SAXO2: variants seen among roughly 807,000 people sequenced by gnomAD.
The protein encoded by SAXO2 is family with sequence similarity 154, member B.
In SAXO2, 17 loss-of-function variants were observed where a neutral mutation model predicts 18.7. The ratio of observed to expected loss-of-function variants is 0.91; its 90% CI spans 0.62 to 1.36. SAXO2 has a LOEUF of 1.36. Among genes scored for constraint, SAXO2 ranks in the 40% most tolerant of loss-of-function variants. The probability of loss-of-function intolerance (pLI) is 0.00; values close to 1 mark genes in which losing one functional copy is unlikely to be tolerated. For synonymous variants in SAXO2, 163 were observed against 181.2 expected, an observed-to-expected ratio of 0.90 and a Z score of 0.81; for missense variants, 486 against 562.6, an observed-to-expected ratio of 0.86 and a Z score of 1.38.
Position 82,273,601 on chromosome 15 carries a change from CTA to C in SAXO2, c.433+1801_433+1802del, listed in dbSNP as rs752529463. ...CTACACAAAGAACAAATTGTGAAGA[CTA>C]TGTGAATGGTGAAGAAGTATATTAT... On this transcript the variant is annotated intron_variant, in intron 3 of 3. Transcript: ENST00000682753. Among the ~76,000 whole-genome samples the C allele has an allele frequency of 5.6e-4, 85 of 152,030 alleles. 1 individual carries two copies. In the Middle Eastern group the frequency reaches 0.017, roughly 30 times the overall value.
chr15:82,278,873 T>C (rs1025478355), intron 3 of SAXO2, among the ~76,000 whole-genome samples: 1 of 152,118 alleles, frequency 6.6e-6, no homozygotes. Flanking sequence ...AATGAAAATA[T>C]AGTACATCAA....
chr15:82,263,407 A>G (rs778234242), intron 1 of SAXO2: 9 of 716,130 alleles, frequency 1.3e-5, no homozygotes, highest in South Asian at 2.9e-5. Flanking sequence ...TCCAGGCAGC[A>G]GTTCTTTGGG....
chr15:82,280,827 C>G (rs1026428898), intron 3 of SAXO2, among the ~76,000 whole-genome samples: 70 of 152,194 alleles, frequency 4.6e-4, no homozygotes, highest in Admixed American at 1.3e-4. Context: ...ACAAGAATAA[C>G]AATGCTTGAT....
At chr15:82,271,580 T>C in intron 2 of SAXO2, 23 bp from the exon 3 acceptor site, 1 of 1,557,692 alleles carries the variant, frequency 6.4e-7, no homozygotes, top group East Asian at 2.3e-5. Context: ...TGTGAGGCTA[T>C]GTTTCAAATT....
intron 1 of SAXO2, chr15:82,264,794 G>A: frequency 1.4e-6 from 1 of 695,962 alleles, no homozygotes; most frequent in Non-Finnish European, 2.6e-6. Flanking sequence ...AAACCAGCTT[G>A]CAAATCAAGA....
Position 82,271,677 on chromosome 15 carries a change from A to T in SAXO2, c.308A>T (p.Lys103Met). Reference protein sequence around the residue: ...VPEEYKPKQGKIDLGTTYKRD... With the variant: ...VPEEYKPKQGMIDLGTTYKRD... Reference sequence around the variant, plus strand: ...GAAGAATATAAACCAAAACAAGGGAAGATTGATCTTGGTACTACCTACAAA... The same window carrying T: ...GAAGAATATAAACCAAAACAAGGGATGATTGATCTTGGTACTACCTACAAA... Residue 103 changes from lysine (K) to methionine (M), a missense_variant, in exon 3 of 4, where the codon AAG becomes ATG. By Grantham distance (95) the Lys-to-Met change is moderately conservative. Transcript: ENST00000682753. 2.5e-6 allele frequency: 4 copies of T among 1,614,046 alleles called. No individual in the cohort carries two copies. The highest frequency in any genetic ancestry group is 3.4e-6 in the Non-Finnish European group (4 of 1,179,882).
rs1365137603 is a variant in SAXO2, at chr15:82,284,091, A to G, written c.*1029A>G. 1.3e-5 allele frequency: 2 copies of G among 152,222 alleles called. 1 individual carries two copies. The highest frequency in any genetic ancestry group is 4.8e-5 in the African/African-American group (2 of 41,442). The allele number at this position is 152,222 out of a possible 1,614,324, so 9.4% of individuals were successfully genotyped here. ...CTGTTCTCAAAAAGAGTTTGTTTTG[A>G]GCATCAGACTGTATGGTACATTTTA... On this transcript the variant is annotated 3_prime_UTR_variant, in exon 4 of 4. Coordinates refer to ENST00000682753, the MANE Select transcript of SAXO2 (RefSeq NM_001348699.2).
At chr15:82,276,220 G>A (rs1310032003) in intron 3 of SAXO2, among the ~76,000 whole-genome samples, 1 of 151,974 alleles carries the variant, frequency 6.6e-6, no homozygotes, top group Non-Finnish European at 1.5e-5. Flanking sequence ...CATGGAGAAG[G>A]AAACCATAGA....
At chr15:82,275,281 CAAAAAAA>C (rs756023248) in intron 3 of SAXO2, among the ~76,000 whole-genome samples, 7 of 45,904 alleles carry the variant, frequency 1.5e-4, no homozygotes, top group Non-Finnish European at 2.4e-4. Context: ...ACCTATCAAC[CAAAAAAA>C]AAAAAAAAAA....
At chr15:82,281,533 C>T (rs1202205656) in intron 3 of SAXO2, among the ~76,000 whole-genome samples, 4 of 152,092 alleles carry the variant, frequency 2.6e-5, no homozygotes, top group Admixed American at 6.5e-5. Context: ...AGTGATCTTT[C>T]TGGGATAGCA....
intron 1 of SAXO2, chr15:82,263,288 A>G: frequency 7.6e-7 from 1 of 1,317,410 alleles, no homozygotes; most frequent in Non-Finnish European, 1.1e-6. Flanking sequence ...ATCCCCCACC[A>G]CGAAGATGAG....
At chr15:82,271,881 A>G in intron 3 of SAXO2, 79 bp downstream of exon 3, 1 of 1,265,646 alleles carries the variant, frequency 7.9e-7, no homozygotes, top group Non-Finnish European at 1.1e-6. Context: ...TCAAATTATA[A>G]CTTTGGTGTG....
rs1365684260 is a variant in SAXO2, at chr15:82,265,740, T to C, written c.225T>C (p.Thr75=). ...RACHGKMEGI[T]TFKSDYCPYE... is the part of the protein sequence containing the mutation. ...GCCATGGTAAAATGGAAGGAATAAC[T>C]ACATTTAAGTAAATATTTAGTAACT... Residue 75 remains threonine (T), a synonymous_variant, in exon 2 of 4, where the codon ACT becomes ACC. Transcript: ENST00000682753. 6 of 1,525,546 alleles carry C rather than the reference T, an allele frequency of 3.9e-6. No homozygotes were observed. The East Asian group carries it at 1.5e-4, about 38-fold the overall frequency. The allele number at this position is 1,525,546 out of a possible 1,614,324, so 94.5% of individuals were successfully genotyped here.
chr15:82,278,726 T>A (rs1470519616), intron 3 of SAXO2, among the ~76,000 whole-genome samples: 1 of 152,036 alleles, frequency 6.6e-6, no homozygotes, highest in Non-Finnish European at 1.5e-5. Context: ...CATAACAGAA[T>A]TAAATTAGAC....
At position 82,282,411 on chromosome 15, in the gene SAXO2, A is replaced by C. The variant is rs2075370873; in HGVS notation, c.726A>C (p.Thr242=). 1 of 1,614,106 alleles carries C rather than the reference A, an allele frequency of 6.2e-7. No individual in the cohort carries two copies. ...CTGACCAACGCTTTGAGGATCTCAC[A>C]ACTCACCGGTGTGACTTTCAGGGTC... ...KPTDQRFEDL[T]THRCDFQGLI... Residue 242 remains threonine, a synonymous_variant, in exon 4 of 4, where the codon ACA becomes ACC. Transcript: ENST00000682753.
intron 3 of SAXO2, among the ~76,000 whole-genome samples, chr15:82,275,987 T>C (rs1356574605): frequency 6.6e-6 from 1 of 152,190 alleles, no homozygotes; most frequent in Non-Finnish European, 1.5e-5. Context: ...ATGTAATTTA[T>C]ACATGGGAAA....
intron 2 of SAXO2, 88 bp downstream of exon 2, chr15:82,265,836 G>C: frequency 2.1e-6 from 2 of 975,598 alleles, no homozygotes; most frequent in Non-Finnish European, 2.8e-6. Context: ...AAATTGAACT[G>C]TTCAGTTGAT....
chr15:82,271,962 C>A, intron 3 of SAXO2, 160 bp downstream of exon 3: 1 of 595,120 alleles, frequency 1.7e-6, no homozygotes, highest in Non-Finnish European at 2.9e-6. Context: ...TGTATAGTAA[C>A]AAAAGAAAAT....
At chr15:82,263,722 G>A (rs748060303) in intron 1 of SAXO2, among the ~76,000 whole-genome samples, 19 of 152,080 alleles carry the variant, frequency 1.2e-4, no homozygotes, top group Non-Finnish European at 2.2e-4. Context: ...TTAACTTTGG[G>A]TGTATGAATC....
Sources: allele counts gnomAD v4.1 joint callset (sites outside exome capture counted in the v4.1 genomes callset), GRCh38; gene constraint gnomAD v4.1.1; transcripts MANE v1.5; gene names NCBI Gene and HGNC (gene_info 2026-07-23, HGNC 2026-07-21).